XKR6: variants seen among roughly 807,000 people sequenced by gnomAD.
XKR6 encodes the protein XK related 6.
In XKR6, 22 loss-of-function variants were observed where a neutral mutation model predicts 56.7. The observed-to-expected ratio is 0.39, with a 90% CI of 0.28 to 0.55. XKR6 has a LOEUF of 0.55. XKR6 is among the 20% of genes least tolerant of loss of function. The pLI, the probability that XKR6 is intolerant of heterozygous loss-of-function variation, is 0.66. For missense variants in XKR6, 852 were observed against 889.0 expected, an observed-to-expected ratio of 0.96 and a Z score of 0.53; for synonymous variants, 524 against 387.8, an observed-to-expected ratio of 1.35 and a Z score of -4.13.
intron 1 of XKR6, among the ~76,000 whole-genome samples, chr8:10,947,355 C>G (rs7001456): frequency 0.36 from 54,954 of 151,942 alleles, 10,371 homozygotes; most frequent in Non-Finnish European, 0.4. Flanking sequence ...AGCCCATGTG[C>G]GTGTCTCTAT....
At chr8:10,972,732 T>A (rs1375220167) in intron 1 of XKR6, among the ~76,000 whole-genome samples, 1 of 152,208 alleles carries the variant, frequency 6.6e-6, no homozygotes, top group Non-Finnish European at 1.5e-5. Flanking sequence ...AGTCATTGTT[T>A]AGTGGGTACA....
intron 1 of XKR6, among the ~76,000 whole-genome samples, chr8:11,097,481 TTTA>T (rs757915514): frequency 6.2e-5 from 8 of 128,766 alleles, no homozygotes; most frequent in African/African-American, 1.4e-4. Context: ...TCTTTTTTTT[TTTA>T]AAAAAAAAAA....
chr8:10,970,045 A>G (rs568349548), intron 1 of XKR6, among the ~76,000 whole-genome samples: 14 of 152,316 alleles, frequency 9.2e-5, no homozygotes, highest in African/African-American at 2.9e-4. Flanking sequence ...CTCGCCACAG[A>G]TGGGTGGCAC....
At chr8:10,963,588 C>T (rs1250954668) in intron 1 of XKR6, among the ~76,000 whole-genome samples, 1 of 151,644 alleles carries the variant, frequency 6.6e-6, no homozygotes, top group Non-Finnish European at 1.5e-5. Context: ...GTCACCCAGG[C>T]TGGAGTGCCA....
Position 11,190,733 on chromosome 8 carries a change from C to T in XKR6, c.764+9843G>A, listed in dbSNP as rs547323892. 7.2e-5 allele frequency among the ~76,000 whole-genome samples: 11 copies of T among 152,302 alleles called. No homozygotes were observed. In the East Asian group the frequency reaches 1.5e-3, roughly 21 times the overall value. ...CCATCTTCAATAAGCCAGACAACAA[C>T]GTCCCAGAGGTAAAGCAAACTAATT... On this transcript the variant is annotated intron_variant, in intron 1 of 2. Transcript: ENST00000416569.
intron 1 of XKR6, among the ~76,000 whole-genome samples, chr8:11,099,056 C>T (rs563944478): frequency 1.1e-3 from 163 of 152,174 alleles, no homozygotes; most frequent in Non-Finnish European, 1.5e-3. Flanking sequence ...CTCAACGCCC[C>T]ACCAGGTAGG....
chr8:11,066,236 T>C (rs1799974953), intron 1 of XKR6, among the ~76,000 whole-genome samples: 1 of 152,150 alleles, frequency 6.6e-6, no homozygotes, highest in Non-Finnish European at 1.5e-5. Context: ...TCTCACCCCC[T>C]CTCTCCTGTC....
chr8:10,977,178 C>T (rs1802592172), intron 1 of XKR6, among the ~76,000 whole-genome samples: 1 of 152,154 alleles, frequency 6.6e-6, no homozygotes, highest in Non-Finnish European at 1.5e-5. Flanking sequence ...GGTTGGGGTG[C>T]ACTGCAGAGG....
intron 1 of XKR6, among the ~76,000 whole-genome samples, chr8:11,072,485 C>T (rs1800157935): frequency 6.6e-6 from 1 of 152,252 alleles, no homozygotes; most frequent in Non-Finnish European, 1.5e-5. Flanking sequence ...AACCACATTG[C>T]ACAAGGAAAT....
rs192545853 is a variant in XKR6 at position 10,899,793 on chromosome 8, T to C, written c.962-877A>G. On this transcript the variant is annotated intron_variant, in intron 2 of 2. Transcript: ENST00000416569. ...CATTTCCTCCCACAACGGGCAAATA[T>C]TCACAGAGTTTGAGTGTGCCTAATC... 7.9e-5 allele frequency among the ~76,000 whole-genome samples: 12 copies of C among 152,330 alleles called. No individual in the cohort carries two copies. In the East Asian group the frequency reaches 2.1e-3, roughly 27 times the overall value.
chr8:10,912,714 T>G (rs920307365), intron 2 of XKR6, among the ~76,000 whole-genome samples: 14 of 134,222 alleles, frequency 1.0e-4, no homozygotes, highest in Non-Finnish European at 1.4e-4. Context: ...TATACACACA[T>G]AGAGAGAATG....
At chr8:11,106,282 C>T (rs1798672771) in intron 1 of XKR6, 1 of 151,044 alleles carries the variant, frequency 6.6e-6, no homozygotes, top group Non-Finnish European at 1.5e-5. Context: ...TGACCACCTT[C>T]CCTGCACATG....
chr8:11,020,946 A>G (rs1204663708), intron 1 of XKR6, among the ~76,000 whole-genome samples: 1 of 152,208 alleles, frequency 6.6e-6, no homozygotes, highest in Non-Finnish European at 1.5e-5. Context: ...GCTGGCACAG[A>G]GTAGGTACTA....
At chr8:11,100,904 T>C (rs548434670) in intron 1 of XKR6, among the ~76,000 whole-genome samples, 1 of 152,352 alleles carries the variant, frequency 6.6e-6, no homozygotes, top group South Asian at 2.1e-4. Flanking sequence ...GGGAAGGTGC[T>C]GCCGGGGGCA....
intron 1 of XKR6, among the ~76,000 whole-genome samples, chr8:11,027,265 A>G (rs1294182566): frequency 6.6e-6 from 1 of 152,230 alleles, no homozygotes; most frequent in Non-Finnish European, 1.5e-5. Flanking sequence ...ATCCTCATAT[A>G]TGCAGTCCAC....
At chr8:11,005,735 G>C (rs1409303698) in intron 1 of XKR6, among the ~76,000 whole-genome samples, 1 of 151,740 alleles carries the variant, frequency 6.6e-6, no homozygotes, top group Non-Finnish European at 1.5e-5. Context: ...TTAAACAGTG[G>C]CTATCTCTGA....
chr8:10,959,516 G>A (rs554270171), intron 1 of XKR6, among the ~76,000 whole-genome samples: 6 of 152,294 alleles, frequency 3.9e-5, no homozygotes, highest in Admixed American at 2.6e-4. Context: ...CCTGGTGAGG[G>A]CTCTCTTCCT....
At chr8:10,945,726 G>A (rs1000211327) in intron 1 of XKR6, among the ~76,000 whole-genome samples, 1 of 152,170 alleles carries the variant, frequency 6.6e-6, no homozygotes, top group Non-Finnish European at 1.5e-5. Context: ...CTTGAACTCT[G>A]GAAAGTTCAT....
intron 1 of XKR6, among the ~76,000 whole-genome samples, chr8:11,120,887 T>C (rs1011657004): frequency 6.6e-6 from 1 of 151,970 alleles, no homozygotes; most frequent in Non-Finnish European, 1.5e-5. Context: ...ATGCCGCATA[T>C]CTACAACTAT....
Sources: allele counts gnomAD v4.1 joint callset (sites outside exome capture counted in the v4.1 genomes callset), GRCh38; gene constraint gnomAD v4.1.1; transcripts MANE v1.5; gene names NCBI Gene and HGNC (gene_info 2026-07-23, HGNC 2026-07-21).